The following LRRTM4 variants were observed in gnomAD, a reference collection of about 807,000 sequenced individuals.
LRRTM4 encodes leucine-rich repeat transmembrane neuronal protein 4.
Under a neutral mutation model 47.6 loss-of-function variants are expected in LRRTM4, and 25 were observed. That is an observed-to-expected ratio of 0.53 (90% CI 0.38 to 0.73). LRRTM4 has a LOEUF of 0.73. Ranked by LOEUF, LRRTM4 falls within the 30% of genes least tolerant of loss-of-function variation. The probability of loss-of-function intolerance (pLI) is 0.00; values close to 1 mark genes in which losing one functional copy is unlikely to be tolerated. For missense variants in LRRTM4, 638 were observed against 713.4 expected (o/e 0.89, Z 1.20); for synonymous variants, 311 against 269.5 (o/e 1.15, Z -1.51).
intron 3 of LRRTM4, among the ~76,000 whole-genome samples, chr2:76,781,563 C>T (rs1003801138): frequency 2.0e-5 from 3 of 151,342 alleles, no homozygotes; most frequent in African/African-American, 7.3e-5. Context: ...AAGGGAACTC[C>T]GTGACCCCTT....
At chr2:77,252,656 A>G (rs1365529268) in intron 3 of LRRTM4, among the ~76,000 whole-genome samples, 3 of 152,180 alleles carry the variant, frequency 2.0e-5, no homozygotes, top group Non-Finnish European at 4.4e-5. Flanking sequence ...AAGTGCAAGC[A>G]CACTGGAAGG....
chr2:76,957,112 A>C (rs1487570010), intron 3 of LRRTM4, among the ~76,000 whole-genome samples: 1 of 151,782 alleles, frequency 6.6e-6, no homozygotes, highest in African/African-American at 2.4e-5. Flanking sequence ...ATATGCTACA[A>C]CATGGATACA....
chr2:77,380,235 CT>C (rs1672999013), intron 3 of LRRTM4, among the ~76,000 whole-genome samples: 2 of 152,022 alleles, frequency 1.3e-5, no homozygotes, highest in South Asian at 4.1e-4. Flanking sequence ...ACATATTTAA[CT>C]TTTAAAACAC....
In LRRTM4 at chr2:77,226,538, C is replaced by CATAT. The variant is rs60188707; in HGVS notation, c.1551+291776_1551+291779dup. 9.2e-3 allele frequency among the ~76,000 whole-genome samples: 1,326 copies of CATAT among 144,062 alleles called. 13 individuals are homozygous for CATAT. Among genetic ancestry groups the CATAT allele is most frequent in the Admixed American group, 0.029 (413 of 14,228 alleles). 94.5% of individuals were successfully genotyped at this position (144,062 alleles called of 152,430 possible). A position where few individuals can be genotyped will look rare whatever the true frequency, so the allele number is the denominator to read the frequency against. On this transcript the variant is annotated intron_variant, in intron 3 of 3. Transcript: ENST00000409884. ...TGCTTATTACAGAGCAAATTATATA[C>CATAT]ATATATATATATATATATATATATA...
chr2:77,482,956 A>G (rs1447381661), intron 3 of LRRTM4, among the ~76,000 whole-genome samples: 1 of 151,350 alleles, frequency 6.6e-6, no homozygotes, highest in Non-Finnish European at 1.5e-5. Context: ...CCCTGTCTCT[A>G]CTAAAAATAC....
At chr2:76,897,506 C>T (rs1573275311) in intron 3 of LRRTM4, among the ~76,000 whole-genome samples, 1 of 151,982 alleles carries the variant, frequency 6.6e-6, no homozygotes, top group Middle Eastern at 3.4e-3. Context: ...GACAAATGTG[C>T]CTTTTATTAA....
At chr2:77,400,578 G>C (rs1673911733) in intron 3 of LRRTM4, among the ~76,000 whole-genome samples, 1 of 151,842 alleles carries the variant, frequency 6.6e-6, no homozygotes, top group African/African-American at 2.4e-5. Flanking sequence ...TGATGATATA[G>C]AGCAGCCAGA....
chr2:77,288,927 T>C (rs904860017), intron 3 of LRRTM4, among the ~76,000 whole-genome samples: 2 of 146,962 alleles, frequency 1.4e-5, no homozygotes, highest in Non-Finnish European at 2.9e-5. Context: ...TCTGAAACAC[T>C]GGGAAAAAAA....
At chr2:76,816,561 ATTTT>A (rs1308168907) in intron 3 of LRRTM4, among the ~76,000 whole-genome samples, 1 of 151,732 alleles carries the variant, frequency 6.6e-6, no homozygotes, top group Non-Finnish European at 1.5e-5. Context: ...TTTATTTTTT[ATTTT>A]TTTATTTTTT....
intron 3 of LRRTM4, among the ~76,000 whole-genome samples, chr2:77,173,891 C>A (rs1378763920): frequency 6.6e-6 from 1 of 152,160 alleles, no homozygotes; most frequent in Non-Finnish European, 1.5e-5. Context: ...TTTGCTTGAA[C>A]CTTTTTCTAA....
chr2:77,290,392 G>T (rs1262764807), intron 3 of LRRTM4, among the ~76,000 whole-genome samples: 1 of 151,868 alleles, frequency 6.6e-6, no homozygotes, highest in Non-Finnish European at 1.5e-5. Flanking sequence ...GGTTACCAGA[G>T]GCTGGGAAGG....
At chr2:76,963,793 TAGTA>T (rs1275393272) in intron 3 of LRRTM4, among the ~76,000 whole-genome samples, 1 of 150,772 alleles carries the variant, frequency 6.6e-6, no homozygotes, top group Non-Finnish European at 1.5e-5. Context: ...TATCTAATAA[TAGTA>T]AGAAGTTTGT....
intron 3 of LRRTM4, among the ~76,000 whole-genome samples, chr2:76,924,467 A>G (rs1382183400): frequency 1.3e-5 from 2 of 152,076 alleles, no homozygotes; most frequent in African/African-American, 2.4e-5. Flanking sequence ...ATTTATCCCA[A>G]TTCCACAGTC....
intron 3 of LRRTM4, among the ~76,000 whole-genome samples, chr2:76,806,366 G>A (rs1228418798): frequency 1.3e-5 from 2 of 152,116 alleles, no homozygotes; most frequent in Non-Finnish European, 2.9e-5. Context: ...TGGATCACTT[G>A]AGGTCAGGAG....
At chr2:77,160,134 A>G (rs1042121357) in intron 3 of LRRTM4, among the ~76,000 whole-genome samples, 3 of 152,184 alleles carry the variant, frequency 2.0e-5, no homozygotes, top group Admixed American at 6.6e-5. Flanking sequence ...AGTCTCTTCA[A>G]TGAATTCCTT....
intron 3 of LRRTM4, among the ~76,000 whole-genome samples, chr2:77,497,788 C>T (rs545206072): frequency 7.3e-4 from 110 of 151,304 alleles, no homozygotes; most frequent in African/African-American, 2.6e-3. Context: ...GTTGCTGATA[C>T]CAGTAATAGT....
At chr2:77,194,217 GA>G (rs1288912966) in intron 3 of LRRTM4, among the ~76,000 whole-genome samples, 2 of 152,098 alleles carry the variant, frequency 1.3e-5, no homozygotes, top group Non-Finnish European at 2.9e-5. Flanking sequence ...AGAAAATAAA[GA>G]AAACTGGGTC....
intron 3 of LRRTM4, among the ~76,000 whole-genome samples, chr2:77,146,327 C>T (rs1302166447): frequency 6.6e-6 from 1 of 152,082 alleles, no homozygotes; most frequent in Non-Finnish European, 1.5e-5. Flanking sequence ...GTATTTCCAA[C>T]AATCTTAATT....
rs1676992955 is a variant in LRRTM4 at position 77,297,028 on chromosome 2, A to C, written c.1551+221290T>G. ...CATGGCTCCCTGGGGTAATGAATGGAGATTCCTCCAGTATGCCGGCATTAG... is the reference window on the plus strand; with the variant it reads ...CATGGCTCCCTGGGGTAATGAATGGCGATTCCTCCAGTATGCCGGCATTAG... On this transcript the variant is annotated intron_variant, in intron 3 of 3. Transcript: ENST00000409884. 2.6e-5 allele frequency among the ~76,000 whole-genome samples: 4 copies of C among 152,102 alleles called. No individual in the cohort carries two copies. In the South Asian group the frequency reaches 8.3e-4, roughly 31 times the overall value.
Sources: allele counts gnomAD v4.1 joint callset (sites outside exome capture counted in the v4.1 genomes callset), GRCh38; gene constraint gnomAD v4.1.1; transcripts MANE v1.5; gene names NCBI Gene and HGNC (gene_info 2026-07-23, HGNC 2026-07-21).